Variants in MLLT10 observed in about 807,000 individuals in gnomAD.
MLLT10 encodes the protein protein AF-10.
Under a neutral mutation model 129.1 loss-of-function variants are expected in MLLT10, and 30 were observed. The observed-to-expected ratio is 0.23, with a 90% CI of 0.17 to 0.32. The LOEUF (loss-of-function observed/expected upper bound fraction) is 0.32, where lower values mean the gene tolerates loss of function less well. MLLT10 is among the 10% of genes least tolerant of loss of function. The probability of loss-of-function intolerance (pLI) is 1.00; values close to 1 mark genes in which losing one functional copy is unlikely to be tolerated. For missense variants in MLLT10, 1,119 were observed against 1,268.3 expected (o/e 0.88, Z 1.79); for synonymous variants, 490 against 446.4 (o/e 1.10, Z -1.23).
At chr10:21,601,327 T>G (rs540302997) in intron 5 of MLLT10, among the ~76,000 whole-genome samples, 1 of 152,298 alleles carries the variant, frequency 6.6e-6, no homozygotes, top group East Asian at 1.9e-4. Context: ...AAGGCCTATT[T>G]ATTTGATAAG....
Position 21,733,921 on chromosome 10 carries a change from C to CCTG in MLLT10, c.2651_2653dup (p.Pro884_Val885insAla). ...GGGGGCACTAGCTAGTGGAATGCAG[C>CCTG]CTGTAACTTCCACCATTCCTGCCGT... is the stretch of plus-strand genomic sequence containing the variant. On this transcript the variant is annotated inframe_insertion, in exon 20 of 23. Coordinates refer to ENST00000307729, the MANE Select transcript of MLLT10 (RefSeq NM_001195626.3). 6.2e-7 allele frequency: 1 copy of CCTG among 1,614,174 alleles called. No homozygotes were observed. The highest frequency in any genetic ancestry group is 8.5e-7 in the Non-Finnish European group (1 of 1,180,036).
chr10:21,576,896 G>A (rs1445101721), intron 3 of MLLT10, among the ~76,000 whole-genome samples: 2 of 152,218 alleles, frequency 1.3e-5, no homozygotes, highest in African/African-American at 4.8e-5. Context: ...CTCCTAAAGT[G>A]CTGGGGTTAC....
chr10:21,646,592 C>T (rs897261994), intron 8 of MLLT10, among the ~76,000 whole-genome samples: 6 of 152,022 alleles, frequency 3.9e-5, no homozygotes, highest in East Asian at 1.9e-4. Context: ...TTTTCTCACA[C>T]GGCTATTTTA....
At chr10:21,686,870 T>A (rs1450446817) in intron 13 of MLLT10, among the ~76,000 whole-genome samples, 4 of 152,136 alleles carry the variant, frequency 2.6e-5, no homozygotes, top group South Asian at 2.1e-4. Flanking sequence ...TAATCCCTGC[T>A]ACTTGGGAGG....
At position 21,635,925 on chromosome 10, in the gene MLLT10, C is replaced by CTT. The variant is rs530505484; in HGVS notation, c.700-15727_700-15726dup. On this transcript the variant is annotated intron_variant, in intron 8 of 22. Transcript: ENST00000307729. ...ACAAGCGTGAGCCGCTGCACCTGGC[C>CTT]TTTTTTTTTTTTTTTTTTTTTTACA... Among the ~76,000 whole-genome samples the CTT allele has an allele frequency of 2.4e-3, 265 of 111,476 alleles. 2 individuals carry two copies. The highest frequency in any genetic ancestry group is 6.6e-3 in the African/African-American group (190 of 28,720). The allele number at this position is 111,476 out of a possible 152,430, so 73.1% of individuals were successfully genotyped here.
intron 3 of MLLT10, among the ~76,000 whole-genome samples, chr10:21,570,241 C>T (rs934297501): frequency 2.3e-4 from 35 of 149,774 alleles, no homozygotes; most frequent in East Asian, 5.9e-4. Flanking sequence ...TGTGTGCGCG[C>T]GTGTGTGTGT....
intron 3 of MLLT10, among the ~76,000 whole-genome samples, chr10:21,569,238 C>G (rs1588993319): frequency 6.6e-6 from 1 of 152,036 alleles, no homozygotes; most frequent in Non-Finnish European, 1.5e-5. Context: ...GATTTTCTGT[C>G]TGCTGGTCCT....
At chr10:21,692,679 T>A (rs755771234) in intron 13 of MLLT10, among the ~76,000 whole-genome samples, 1 of 150,768 alleles carries the variant, frequency 6.6e-6, no homozygotes, top group Non-Finnish European at 1.5e-5. Flanking sequence ...AGAGATGAGA[T>A]CTTACTAATG....
chr10:21,636,506 T>A (rs914277797), intron 8 of MLLT10, among the ~76,000 whole-genome samples: 1 of 152,194 alleles, frequency 6.6e-6, no homozygotes, highest in African/African-American at 2.4e-5. Context: ...GACTGTATCA[T>A]GTCTCAAAGC....
chr10:21,580,421 C>T (rs2041280365), intron 3 of MLLT10, among the ~76,000 whole-genome samples: 1 of 143,696 alleles, frequency 7.0e-6, no homozygotes, highest in African/African-American at 2.6e-5. Flanking sequence ...TGGAGTCTTG[C>T]TCTGTCACCC....
intron 21 of MLLT10, among the ~76,000 whole-genome samples, chr10:21,737,586 A>G (rs1272415284): frequency 6.6e-6 from 1 of 152,128 alleles, no homozygotes; most frequent in Non-Finnish European, 1.5e-5. Context: ...TTTCTTAATT[A>G]GAAGTAAAGT....
chr10:21,544,636 A>G (rs988125303), intron 3 of MLLT10, among the ~76,000 whole-genome samples: 2 of 152,354 alleles, frequency 1.3e-5, no homozygotes, highest in East Asian at 1.9e-4. Flanking sequence ...CAAAAGGAGT[A>G]GAAAAGAAGG....
At chr10:21,677,320 A>G (rs1221500258) in intron 11 of MLLT10, among the ~76,000 whole-genome samples, 2 of 152,182 alleles carry the variant, frequency 1.3e-5, no homozygotes, top group Non-Finnish European at 1.5e-5. Flanking sequence ...TCATTTAGTA[A>G]TTGTGACAAC....
At chr10:21,624,342 C>T (rs2046200801) in intron 8 of MLLT10, among the ~76,000 whole-genome samples, 1 of 151,950 alleles carries the variant, frequency 6.6e-6, no homozygotes, top group Non-Finnish European at 1.5e-5. Context: ...AAAATGAAGC[C>T]CGAAATGATA....
At chr10:21,598,968 A>G (rs1419836004) in intron 5 of MLLT10, among the ~76,000 whole-genome samples, 1 of 151,970 alleles carries the variant, frequency 6.6e-6, no homozygotes, top group East Asian at 1.9e-4. Context: ...TCACGAGGTC[A>G]GGAGTTCAAG....
chr10:21,588,015 A>T (rs576201519), intron 4 of MLLT10, among the ~76,000 whole-genome samples: 1 of 152,210 alleles, frequency 6.6e-6, no homozygotes, highest in Admixed American at 6.5e-5. Flanking sequence ...TCTGCCTCTT[A>T]ATTTATTTCA....
rs2046332505 is a variant in MLLT10, at chr10:21,625,397, A to G, written c.699+8190A>G. On this transcript the variant is annotated intron_variant, in intron 8 of 22. Transcript: ENST00000307729. ...TCCAAATTCAGAAAATGACTTTTCCAATATTTCGTCTGTGCCCAAGTTTCT... is the reference window on the plus strand; with the variant it reads ...TCCAAATTCAGAAAATGACTTTTCCGATATTTCGTCTGTGCCCAAGTTTCT... 8.7e-6 allele frequency: 7 copies of G among 806,730 alleles called. No individual in the cohort carries two copies. In the Admixed American group the frequency reaches 1.1e-4, roughly 13 times the overall value. 50.0% of individuals were successfully genotyped at this position (806,730 alleles called of 1,614,324 possible). A position where few individuals can be genotyped will look rare whatever the true frequency, so the allele number is the denominator to read the frequency against.
chr10:21,580,955 G>A (rs1157232914), intron 3 of MLLT10, among the ~76,000 whole-genome samples: 2 of 146,344 alleles, frequency 1.4e-5, no homozygotes, highest in African/African-American at 5.1e-5. Flanking sequence ...CTCATGATCT[G>A]CCTGCATTGG....
chr10:21,575,650 A>G (rs180858055), intron 3 of MLLT10, among the ~76,000 whole-genome samples: 27 of 152,232 alleles, frequency 1.8e-4, no homozygotes, highest in African/African-American at 6.0e-4. Context: ...AAGAATGTTT[A>G]TAGTGGTTTT....
Sources: allele counts gnomAD v4.1 joint callset (sites outside exome capture counted in the v4.1 genomes callset), GRCh38; gene constraint gnomAD v4.1.1; transcripts MANE v1.5; gene names NCBI Gene and HGNC (gene_info 2026-07-23, HGNC 2026-07-21).